Variants in ERI3 observed in about 807,000 individuals in gnomAD.
ERI3 encodes ERI1 exoribonuclease family member 3.
A neutral mutation model predicts 44.4 loss-of-function variants in ERI3; 18 were observed. The ratio of observed to expected loss-of-function variants is 0.41; its 90% CI spans 0.28 to 0.60. The LOEUF is 0.60. Among genes scored for constraint, ERI3 ranks in the 20% least tolerant of loss-of-function variants. ERI3 has a pLI of 0.36. For synonymous variants in ERI3, 183 were observed against 164.8 expected (o/e 1.11, Z -0.84); for missense variants, 294 against 435.5 (o/e 0.68, Z 2.89).
chr1:44,351,641 A>C (rs1646892405), intron 2 of ERI3, among the ~76,000 whole-genome samples: 1 of 152,126 alleles, frequency 6.6e-6, no homozygotes, highest in African/African-American at 2.4e-5. Context: ...GCACTAATCT[A>C]ATCTTTTTTC....
intron 3 of ERI3, among the ~76,000 whole-genome samples, chr1:44,335,960 T>C (rs1646528015): frequency 6.6e-6 from 1 of 152,180 alleles, no homozygotes; most frequent in Non-Finnish European, 1.5e-5. Context: ...TAAACTTCTT[T>C]CTTTTTTGTC....
chr1:44,290,367 T>C (rs1645480542), intron 6 of ERI3, among the ~76,000 whole-genome samples: 1 of 152,186 alleles, frequency 6.6e-6, no homozygotes, highest in African/African-American at 2.4e-5. Context: ...AACCAGCCAG[T>C]TGGAAGATCC....
At chr1:44,264,302 T>C (rs200195191) in intron 7 of ERI3, among the ~76,000 whole-genome samples, 2 of 152,156 alleles carry the variant, frequency 1.3e-5, no homozygotes, top group African/African-American at 4.8e-5. Context: ...TGCTTAGCCC[T>C]GAGAGAAGGA....
rs1038091166 is a variant in ERI3, at chr1:44,304,930, G to C, written c.758+3380C>G. 4.6e-5 allele frequency among the ~76,000 whole-genome samples: 7 copies of C among 152,224 alleles called. No homozygotes were observed. The East Asian group carries it at 1.2e-3, about 25-fold the overall frequency. Reference sequence around the variant, plus strand: ...TGTTCAACCTCTCTCCTCCCTCAAGGGGGAGGAAAACTTCCTGCTCCAAAA... The same window carrying C: ...TGTTCAACCTCTCTCCTCCCTCAAGCGGGAGGAAAACTTCCTGCTCCAAAA... On this transcript the variant is annotated intron_variant, in intron 6 of 8. Coordinates refer to ENST00000372257, the MANE Select transcript of ERI3 (RefSeq NM_024066.3).
At position 44,241,359 on chromosome 1, in the gene ERI3, A is replaced by T. The variant is rs935472754; in HGVS notation, c.931+6580T>A. On this transcript the variant is annotated intron_variant, in intron 8 of 8. Transcript: ENST00000372257. This position sits in a 1 kb window ranked among gnomAD's most constrained non-coding sequence, Gnocchi z 5.6. The stretch of plus-strand genomic sequence containing the variant: ...CCACAGGAATCCAATGCAGTCCCTT[A>T]TCTGCCCTGTCAATCACTCAATCAC... Among the ~76,000 whole-genome samples, 1 of 152,078 alleles carries T rather than the reference A, an allele frequency of 6.6e-6. No homozygotes were observed. The highest frequency in any genetic ancestry group is 2.4e-5 in the African/African-American group (1 of 41,386).
At chr1:44,242,034 G>A in intron 8 of ERI3, 1 of 985,734 alleles carries the variant, frequency 1.0e-6, no homozygotes, top group Non-Finnish European at 1.2e-6. Context: ...GAAGGAAGGA[G>A]CCAGCACCCT....
intron 3 of ERI3, among the ~76,000 whole-genome samples, chr1:44,325,908 CA>C (rs2154329827): frequency 6.6e-6 from 1 of 152,324 alleles, no homozygotes; most frequent in African/African-American, 2.4e-5. Flanking sequence ...CTTGGCCTCC[CA>C]AAGTGCTGGG....
intron 2 of ERI3, among the ~76,000 whole-genome samples, chr1:44,352,159 C>T (rs191199287): frequency 6.6e-6 from 1 of 152,188 alleles, no homozygotes; most frequent in South Asian, 2.1e-4. Flanking sequence ...TATCAATCAT[C>T]CAGAGTATGC....
intron 8 of ERI3, among the ~76,000 whole-genome samples, chr1:44,227,540 A>G (rs963238284): frequency 1.1e-4 from 16 of 151,570 alleles, no homozygotes; most frequent in African/African-American, 3.9e-4. Flanking sequence ...AGCTCCATAC[A>G]GGACATACTT....
chr1:44,343,233 A>G (rs1370101246), intron 2 of ERI3, among the ~76,000 whole-genome samples: 1 of 152,162 alleles, frequency 6.6e-6, no homozygotes, highest in East Asian at 1.9e-4. Context: ...ACTGAATAGA[A>G]AACCATGAGT....
At chr1:44,283,434 T>C (rs1362402401) in intron 7 of ERI3, among the ~76,000 whole-genome samples, 3 of 152,236 alleles carry the variant, frequency 2.0e-5, no homozygotes, top group South Asian at 2.1e-4. Context: ...AGAGACTGAC[T>C]GCTGGGCTTC....
chr1:44,225,903 T>C (rs181139573), intron 8 of ERI3, among the ~76,000 whole-genome samples: 63 of 152,344 alleles, frequency 4.1e-4, no homozygotes, highest in Middle Eastern at 3.4e-3. Flanking sequence ...ACCTTCTGTA[T>C]GCTCAGTGAT....
intron 7 of ERI3, among the ~76,000 whole-genome samples, chr1:44,250,447 C>T (rs994147888): frequency 1.3e-5 from 2 of 152,128 alleles, no homozygotes; most frequent in African/African-American, 4.8e-5. Context: ...CAGACTGGGA[C>T]GTGTGAAAGG....
At chr1:44,242,144 T>C in intron 8 of ERI3, 2 of 985,520 alleles carry the variant, frequency 2.0e-6, no homozygotes, top group African/African-American at 1.7e-5. Context: ...CTCACTTTCT[T>C]AGGGCCACAC....
intron 8 of ERI3, among the ~76,000 whole-genome samples, chr1:44,236,553 G>A (rs1163721962): frequency 6.6e-6 from 1 of 152,116 alleles, no homozygotes; most frequent in Non-Finnish European, 1.5e-5. Context: ...AGTTAATTAG[G>A]TTGTGGGGTG....
At chr1:44,257,847 A>G (rs1345149117) in intron 7 of ERI3, among the ~76,000 whole-genome samples, 3 of 152,150 alleles carry the variant, frequency 2.0e-5, no homozygotes, top group South Asian at 4.1e-4. Flanking sequence ...TTCCTCCCCA[A>G]TCCTCTCGCA....
chr1:44,289,099 G>A (rs549229814), intron 6 of ERI3, among the ~76,000 whole-genome samples: 3 of 152,294 alleles, frequency 2.0e-5, no homozygotes, highest in African/African-American at 7.2e-5. Context: ...GAGTCCACAG[G>A]TGTGATTTCC....
chr1:44,342,535 T>TACAC (rs139623145), intron 2 of ERI3, among the ~76,000 whole-genome samples: 6 of 150,866 alleles, frequency 4.0e-5, no homozygotes, highest in East Asian at 2.0e-4. Context: ...GATAGATGGA[T>TACAC]ACACACACAC....
intron 3 of ERI3, among the ~76,000 whole-genome samples, chr1:44,320,822 AAAAT>A (rs1646186182): frequency 6.6e-6 from 1 of 152,172 alleles, no homozygotes. Context: ...AATAATAAAA[AAAAT>A]AAATAAAAGC....
Sources: allele counts gnomAD v4.1 joint callset (sites outside exome capture counted in the v4.1 genomes callset), GRCh38; gene constraint gnomAD v4.1.1; non-coding constraint Gnocchi (gnomAD v3.1); transcripts MANE v1.5; gene names NCBI Gene and HGNC (gene_info 2026-07-23, HGNC 2026-07-21).